The following AIFM3 variants were observed in gnomAD, a reference collection of about 807,000 sequenced individuals.
AIFM3 encodes apoptosis-inducing factor 3.
AIFM3 carries 71 observed loss-of-function variants against 82.7 expected under a neutral mutation model. The observed-to-expected ratio is 0.86, with a 90% CI of 0.71 to 1.05. The LOEUF is 1.05. Ranked by LOEUF, AIFM3 falls within the 50% of genes least tolerant of loss-of-function variation. The pLI, the probability that AIFM3 is intolerant of heterozygous loss-of-function variation, is 0.00. For synonymous variants in AIFM3, 337 were observed against 329.1 expected (o/e 1.02, Z -0.26); for missense variants, 748 against 816.7 (o/e 0.92, Z 1.03).
At position 20,976,662 on chromosome 22, in the gene AIFM3, G is replaced by A. The variant is rs1923693738; in HGVS notation, c.1042G>A (p.Ala348Thr). The A allele has an allele frequency of 6.2e-7, 1 of 1,610,010 alleles. No homozygotes were observed. Among genetic ancestry groups the A allele is most frequent in the Non-Finnish European group, 8.5e-7 (1 of 1,178,126 alleles). ...VGAGFLGMEV[A>T]AYLTEKAHSV... ...CTGCCCATCACCAGGGATGGAGGTG[G>A]CCGCTTACCTGACGGAGAAGGCCCA... The change falls in exon 12 of 21, where the codon GCC becomes ACC. Residue 348 changes from alanine (A) to threonine (T), a missense_variant. Coordinates refer to ENST00000440238, the MANE Select transcript of AIFM3 (RefSeq NM_001386814.1).
At chr22:20,977,418 A>T in intron 14 of AIFM3, 1 of 601,114 alleles carries the variant, frequency 1.7e-6, no homozygotes, top group Non-Finnish European at 3.0e-6. Flanking sequence ...CCAAGATGGG[A>T]GGTGGTAGCA....
Position 20,975,305 on chromosome 22 carries a change from G to A in AIFM3, c.721-387G>A, listed in dbSNP as rs371418527. Among the ~76,000 whole-genome samples the A allele has an allele frequency of 6.0e-4, 91 of 151,972 alleles. 3 individuals carry two copies. The South Asian group carries it at 0.017, about 29-fold the overall frequency. On this transcript the variant is annotated intron_variant, in intron 8 of 20. Coordinates refer to ENST00000440238, the MANE Select transcript of AIFM3 (RefSeq NM_001386814.1). ...GACAGAGTCTTGCTCTGTCACTCAG[G>A]CTGGAGAGCAGTGCCTGTCTCACGG...
In AIFM3 at chr22:20,981,209, G is replaced by A; in HGVS notation, c.*178G>A. On this transcript the variant is annotated 3_prime_UTR_variant, in exon 21 of 21. Coordinates refer to ENST00000440238, the MANE Select transcript of AIFM3 (RefSeq NM_001386814.1). ...GAGGCCTCTGCTGGATCCAGAAGAT[G>A]CTCAACCCTCAAGGCCTCTGCTGCC... 1 of 800,820 alleles carries A rather than the reference G, an allele frequency of 1.2e-6. No individual in the cohort carries two copies. Among genetic ancestry groups the A allele is most frequent in the East Asian group, 2.7e-5 (1 of 36,928 alleles). 49.6% of individuals were successfully genotyped at this position (800,820 alleles called of 1,614,324 possible).
chr22:20,980,963 C>T, intron 20 of AIFM3, 29 bp from the exon 21 acceptor site: 1 of 1,614,180 alleles, frequency 6.2e-7, no homozygotes, highest in Non-Finnish European at 8.5e-7. Flanking sequence ...TTTCTTCTGT[C>T]TTGACCCCTC....
chr22:20,974,662 T>C (rs1304947802), intron 7 of AIFM3, 41 bp downstream of exon 7: 1 of 1,613,342 alleles, frequency 6.2e-7, no homozygotes, highest in Non-Finnish European at 8.5e-7. Context: ...GGAGATGGGA[T>C]TGGTGAGAAG....
intron 9 of AIFM3, 41 bp downstream of exon 9, chr22:20,975,819 G>A (rs1923609535): frequency 6.2e-7 from 1 of 1,600,566 alleles, no homozygotes; most frequent in Non-Finnish European, 8.5e-7. Flanking sequence ...AGGAGGGAAG[G>A]TGGGAACCGT....
chr22:20,980,060 C>T lies in AIFM3; in HGVS notation c.1693C>T (p.Pro565Ser). The T allele has an allele frequency of 6.2e-7, 1 of 1,611,524 alleles. No homozygotes were observed. The highest frequency in any genetic ancestry group is 8.5e-7 in the Non-Finnish European group (1 of 1,180,012). The change falls in exon 19 of 21, where the codon CCC (proline) becomes TCC (serine). Residue 565 changes from proline (P) to serine (S), a missense_variant. Coordinates refer to ENST00000440238, the MANE Select transcript of AIFM3 (RefSeq NM_001386814.1). ...VIAVASMNYD[P>S]IVSKVAEVLA... Reference sequence around the variant, plus strand: ...CGCCGTGGCCAGCATGAACTACGATCCCATTGTGTCCAAGGTCGCTGAGGT... The same window carrying T: ...CGCCGTGGCCAGCATGAACTACGATTCCATTGTGTCCAAGGTCGCTGAGGT...
chr22:20,973,940 A>C, intron 4 of AIFM3, 73 bp downstream of exon 4: 1 of 1,472,236 alleles, frequency 6.8e-7, no homozygotes, highest in Non-Finnish European at 9.1e-7. Flanking sequence ...CCCAGACCCC[A>C]GGATCTTCAT....
In AIFM3 at chr22:20,976,943, G is replaced by A; in HGVS notation, c.1218+5G>A. Reference sequence around the variant, plus strand: ...CTGCGGGGCCAGGAGGGAAAGGTGGGCCCTTCTCCCTTCTCCCTGCTGCTT... The same window carrying A: ...CTGCGGGGCCAGGAGGGAAAGGTGGACCCTTCTCCCTTCTCCCTGCTGCTT... On this transcript the variant is annotated splice_donor_5th_base_variant and intron_variant, in intron 13 of 20. Transcript: ENST00000440238. 6.2e-7 allele frequency: 1 copy of A among 1,612,480 alleles called. No individual in the cohort carries two copies. The highest frequency in any genetic ancestry group is 8.5e-7 in the Non-Finnish European group (1 of 1,178,692).
chr22:20,969,009 C>A (rs60585496), intron 2 of AIFM3, among the ~76,000 whole-genome samples: 1 of 152,214 alleles, frequency 6.6e-6, no homozygotes, highest in East Asian at 1.9e-4. Context: ...CTTCCTCCCC[C>A]GCTCCTGTGC....
intron 2 of AIFM3, among the ~76,000 whole-genome samples, chr22:20,969,004 T>C (rs1923098270): frequency 6.6e-6 from 1 of 152,136 alleles, no homozygotes. Context: ...CCACTCTTCC[T>C]CCCCCGCTCC....
At chr22:20,973,162 T>C in intron 2 of AIFM3, 145 bp from the exon 3 acceptor site, 2 of 914,800 alleles carry the variant, frequency 2.2e-6, no homozygotes, top group Non-Finnish European at 3.4e-6. Context: ...TTTGCTGGGC[T>C]GGTGGTGCAG....
Position 20,975,730 on chromosome 22 carries a change from C to T in AIFM3, c.759C>T (p.Pro253=), listed in dbSNP as rs200227096. Residue 253 remains proline (P), a synonymous_variant, in exon 9 of 21, where the codon CCC becomes CCT. Coordinates refer to ENST00000440238, the MANE Select transcript of AIFM3 (RefSeq NM_001386814.1). ...DTQPEQLALR[P]KEFFRAYGIE... ...AGCCTGAGCAGCTGGCCCTGAGGCC[C>T]AAGGAGTTTTTCCGAGCCTATGGCA... 5.5e-5 allele frequency: 88 copies of T among 1,613,734 alleles called. No homozygotes were observed. The East Asian group carries it at 1.9e-3, about 34-fold the overall frequency.
Position 20,973,823 on chromosome 22 carries a change from C to G in AIFM3, c.311C>G (p.Ala104Gly), listed in dbSNP as rs371361440. 3.3e-5 allele frequency: 52 copies of G among 1,580,606 alleles called. No individual in the cohort carries two copies. The highest frequency in any genetic ancestry group is 4.1e-5 in the Non-Finnish European group (48 of 1,163,326). Residue 104 changes from alanine to glycine, a missense_variant, in exon 4 of 21, where the codon GCC (alanine) becomes GGC (glycine). Physicochemically the swap from Ala to Gly is moderately conservative, Grantham distance 60. This residue lies in a region of AIFM3 where 148 missense variants were observed against 134.1 expected (regional missense o/e 1.10). Transcript: ENST00000440238. ...GTGAAGGACAATGGGGAGTTCCACG[C>G]CCTGGGCCATAAGTGTCCGCACTAC... ...LLVKDNGEFHALGHKCPHYGA... is the reference protein window; with the variant it reads ...LLVKDNGEFHGLGHKCPHYGA...
rs117335405 is a variant in AIFM3, at chr22:20,979,128, G to A, written c.1478-143G>A. On this transcript the variant is annotated intron_variant, in intron 16 of 20. Coordinates refer to ENST00000440238, the MANE Select transcript of AIFM3 (RefSeq NM_001386814.1). ...TCAGCTGCAGGTGCAAGTGAGCAGT[G>A]GGCTGAACAATGATGTCTCTTGACC... is the stretch of plus-strand genomic sequence containing the variant. 820 of 824,378 alleles carry A rather than the reference G, an allele frequency of 9.9e-4. 1 individual carries two copies. Among genetic ancestry groups the A allele is most frequent in the Non-Finnish European group, 1.6e-3 (781 of 493,710 alleles). 51.1% of individuals were successfully genotyped at this position (824,378 alleles called of 1,614,324 possible). A position where few individuals can be genotyped will look rare whatever the true frequency, so the allele number is the denominator to read the frequency against.
At position 20,967,869 on chromosome 22, in the gene AIFM3, C is replaced by G. The variant is rs933756158; in HGVS notation, c.-76C>G. ...TCTAAGGCCTGCAGGGGGTCCAGCCCCATGGGGGGCGCCCTAGGCCTCCGA... is the reference window on the plus strand; with the variant it reads ...TCTAAGGCCTGCAGGGGGTCCAGCCGCATGGGGGGCGCCCTAGGCCTCCGA... On this transcript the variant is annotated 5_prime_UTR_variant, in exon 2 of 21. Coordinates refer to ENST00000440238, the MANE Select transcript of AIFM3 (RefSeq NM_001386814.1). The G allele has an allele frequency of 3.9e-5, 61 of 1,561,238 alleles. 1 individual carries two copies. In the Admixed American group the frequency reaches 1.0e-3, roughly 26 times the overall value.
rs73392563 is a variant in AIFM3 at position 20,973,747 on chromosome 22, C to T, written c.246-11C>T. The T allele has an allele frequency of 1.8e-3, 2,803 of 1,536,556 alleles. 47 individuals carry two copies. The African/African-American group carries it at 0.033, about 18-fold the overall frequency. On this transcript the variant is annotated splice_polypyrimidine_tract_variant and intron_variant, in intron 3 of 20. Transcript: ENST00000440238. Reference sequence around the variant, plus strand: ...TGTCTGGCCTGACCTCTGAGTGCTGCGGTTCCCCAGGATGCGGGAAGTGGA... The same window carrying T: ...TGTCTGGCCTGACCTCTGAGTGCTGTGGTTCCCCAGGATGCGGGAAGTGGA...
At chr22:20,980,218 A>G in intron 19 of AIFM3, 94 bp downstream of exon 19, 5 of 1,146,152 alleles carry the variant, frequency 4.4e-6, no homozygotes, top group Non-Finnish European at 6.2e-6. Context: ...ACAACCCTCC[A>G]GGGCCTTTCC....
At position 20,977,965 on chromosome 22, in the gene AIFM3, C is replaced by T; in HGVS notation, c.1437C>T (p.Arg479=). 1 of 1,614,170 alleles carries T rather than the reference C, an allele frequency of 6.2e-7. No homozygotes were observed. The highest frequency in any genetic ancestry group is 8.5e-7 in the Non-Finnish European group (1 of 1,180,014). ...TCCCCCTTGCCTGGAGGAACAACCG[C>T]AAAGTGAACATTCCACATTGGCAGA... ...VTFPLAWRNN[R]KVNIPHWQMA... Residue 479 remains arginine, a synonymous_variant, in exon 16 of 21, where the codon CGC becomes CGT. Transcript: ENST00000440238.
Sources: allele counts gnomAD v4.1 joint callset (sites outside exome capture counted in the v4.1 genomes callset), GRCh38; gene constraint gnomAD v4.1.1; regional missense constraint gnomAD v4.1.1; transcripts MANE v1.5; gene names NCBI Gene and HGNC (gene_info 2026-07-23, HGNC 2026-07-21).